TRRAP: variants seen among roughly 807,000 people sequenced by gnomAD.
TRRAP encodes transformation/transcription domain-associated protein.
In TRRAP, 41 loss-of-function variants were observed where a neutral mutation model predicts 438.8. The ratio of observed to expected loss-of-function variants is 0.09; its 90% CI spans 0.07 to 0.12. The LOEUF (loss-of-function observed/expected upper bound fraction) is 0.12, where lower values mean the gene tolerates loss of function less well. TRRAP is among the 10% of genes least tolerant of loss of function. The pLI is 1.00. For missense variants in TRRAP, 3,122 were observed against 5,055.1 expected, an observed-to-expected ratio of 0.62 and a Z score of 11.60; for synonymous variants, 1,994 against 1,962.9, an observed-to-expected ratio of 1.02 and a Z score of -0.42.
At chr7:98,910,726 A>T (rs550987891) in intron 16 of TRRAP, 119 bp downstream of exon 16, 33 of 809,110 alleles carry the variant, frequency 4.1e-5, no homozygotes, top group Admixed American at 3.0e-5. Context: ...CAGTATTTGT[A>T]TACCCAGATG....
intron 20 of TRRAP, among the ~76,000 whole-genome samples, chr7:98,920,481 A>G (rs1476723068): frequency 6.6e-6 from 1 of 152,118 alleles, no homozygotes; most frequent in Non-Finnish European, 1.5e-5. Context: ...AAAAAAAAAA[A>G]AAAGAAAAGA....
At chr7:98,997,483 CAAAAA>C (rs61132070) in intron 67 of TRRAP, among the ~76,000 whole-genome samples, 3 of 42,620 alleles carry the variant, frequency 7.0e-5, no homozygotes, top group South Asian at 1.1e-3. Context: ...ACTGCTGTTG[CAAAAA>C]AAAAAAAAAA....
At chr7:98,884,255 T>TG (rs782737733) in intron 3 of TRRAP, among the ~76,000 whole-genome samples, 1 of 152,066 alleles carries the variant, frequency 6.6e-6, no homozygotes, top group Non-Finnish European at 1.5e-5. Context: ...TTTTTTTGTT[T>TG]GTTTGTTTTT....
At chr7:98,996,366 G>A (rs1213427592) in intron 67 of TRRAP, among the ~76,000 whole-genome samples, 1 of 152,196 alleles carries the variant, frequency 6.6e-6, no homozygotes, top group African/African-American at 2.4e-5. Context: ...AGCGCGTGGC[G>A]GGCTCTCTTG....
At chr7:99,001,384 A>T (rs989164746) in intron 67 of TRRAP, among the ~76,000 whole-genome samples, 1 of 152,238 alleles carries the variant, frequency 6.6e-6, no homozygotes, top group Non-Finnish European at 1.5e-5. Flanking sequence ...CCCTTCTGAG[A>T]ACGGAAGAGT....
At chr7:99,009,059 G>A (rs972001864) in intron 70 of TRRAP, among the ~76,000 whole-genome samples, 2 of 152,136 alleles carry the variant, frequency 1.3e-5, no homozygotes, top group African/African-American at 4.8e-5. Context: ...CAGCTGTTTC[G>A]GTTGCCTGAG....
At position 98,956,769 on chromosome 7, in the gene TRRAP, G is replaced by A. The variant is rs116368425; in HGVS notation, c.6231+236G>A. 6.1e-3 allele frequency among the ~76,000 whole-genome samples: 933 copies of A among 152,240 alleles called. 8 individuals carry two copies. The highest frequency in any genetic ancestry group is 0.021 in the African/African-American group (888 of 41,518). On this transcript the variant is annotated intron_variant, in intron 43 of 72. Coordinates refer to ENST00000456197, the MANE Select transcript of TRRAP (RefSeq NM_001375524.1). The surrounding 1 kb of genome is among the most constrained non-coding windows in gnomAD (Gnocchi z 4.5). Reference sequence around the variant, plus strand: ...ATACCATTAAAGTTCTGTTGATGATGGTTGATTACTTGCAGAAAGGCATCT... The same window carrying A: ...ATACCATTAAAGTTCTGTTGATGATAGTTGATTACTTGCAGAAAGGCATCT...
rs1413029099 is a variant in TRRAP at position 98,931,483 on chromosome 7, G to A, written c.3670G>A (p.Glu1224Lys). 3.1e-6 allele frequency: 5 copies of A among 1,614,070 alleles called. No individual in the cohort carries two copies. Among genetic ancestry groups the A allele is most frequent in the East Asian group, 4.5e-5 (2 of 44,884 alleles). ...LMRCATPLKD[E>K]ERAEEIVAAQ... ...GCGGTGCGCAACGCCTTTAAAAGAC[G>A]AGGAGAGAGCCGAAGAGATCGTGGC... is the stretch of plus-strand genomic sequence containing the variant. Residue 1224 changes from glutamate (E) to lysine (K), a missense_variant, in exon 26 of 73, where the codon GAG becomes AAG. Physicochemically the swap from Glu to Lys is moderately conservative, Grantham distance 56. Around this residue, in one of 24 missense-constraint regions of TRRAP, gnomAD observed 153 missense variants for 223.0 expected, o/e 0.69. Transcript: ENST00000456197.
intron 9 of TRRAP, 29 bp from the exon 10 acceptor site, chr7:98,899,650 G>A (rs1796382902): frequency 1.9e-6 from 3 of 1,613,410 alleles, no homozygotes; most frequent in Admixed American, 1.7e-5. Context: ...GAGTGTCAAT[G>A]TATGAAAATC....
intron 11 of TRRAP, 140 bp from the exon 12 acceptor site, chr7:98,903,239 C>T: frequency 9.9e-7 from 1 of 1,006,404 alleles, no homozygotes; most frequent in Non-Finnish European, 1.5e-6. Context: ...CCAGGCTAGT[C>T]TTGATCTCCT....
chr7:98,920,944 A>AT (rs1789762315), intron 20 of TRRAP, among the ~76,000 whole-genome samples: 1 of 152,050 alleles, frequency 6.6e-6, no homozygotes, highest in African/African-American at 2.4e-5. Context: ...GGTTCAAGTG[A>AT]TTCTTCTGCC....
chr7:98,945,855 A>G (rs1474942507), intron 32 of TRRAP, 55 bp downstream of exon 32: 17 of 1,572,656 alleles, frequency 1.1e-5, no homozygotes, highest in Non-Finnish European at 1.4e-5. Context: ...AGAAAAGTTT[A>G]CCTTTTCTTT....
At chr7:98,966,732 C>T (rs1290923883) in intron 49 of TRRAP, among the ~76,000 whole-genome samples, 3 of 151,362 alleles carry the variant, frequency 2.0e-5, no homozygotes, top group African/African-American at 4.9e-5. Flanking sequence ...CTTTTTATGG[C>T]GATAAAGATA....
At chr7:98,901,756 C>G (rs1796480188) in intron 11 of TRRAP, among the ~76,000 whole-genome samples, 1 of 152,090 alleles carries the variant, frequency 6.6e-6, no homozygotes, top group African/African-American at 2.4e-5. Context: ...GCCATGTTGC[C>G]CAGGCTGGTC....
intron 62 of TRRAP, among the ~76,000 whole-genome samples, chr7:98,986,481 A>G (rs1270160537): frequency 6.6e-6 from 1 of 152,206 alleles, no homozygotes; most frequent in Non-Finnish European, 1.5e-5. Context: ...TAGCCATCCT[A>G]ATGAGTATAA....
chr7:98,947,930 T>C (rs1469701610), intron 33 of TRRAP, among the ~76,000 whole-genome samples: 1 of 152,186 alleles, frequency 6.6e-6, no homozygotes, highest in Non-Finnish European at 1.5e-5. Flanking sequence ...CCTTTACCAC[T>C]TGTGAGCACG....
At chr7:98,932,322 C>T (rs973391788) in intron 26 of TRRAP, among the ~76,000 whole-genome samples, 4 of 152,100 alleles carry the variant, frequency 2.6e-5, no homozygotes, top group Non-Finnish European at 5.9e-5. Flanking sequence ...ACAGTGTTAG[C>T]TAGGGTGGTC....
At chr7:98,947,373 T>C (rs151137081) in intron 33 of TRRAP, among the ~76,000 whole-genome samples, 8 of 152,356 alleles carry the variant, frequency 5.3e-5, no homozygotes, top group Non-Finnish European at 1.0e-4. Flanking sequence ...TTTATATACA[T>C]TGATATTTAA....
In TRRAP at chr7:98,881,362, C is replaced by G. The variant is rs1476757704; in HGVS notation, c.100+112C>G. ...CCGAGGCGGGTGGATCACCTGATGT[C>G]AGGAGTTTGGGACTAGCCTGGCCAA... On this transcript the variant is annotated intron_variant, in intron 2 of 72. Transcript: ENST00000456197. The G allele has an allele frequency of 4.2e-6, 4 of 962,616 alleles. No homozygotes were observed. In the East Asian group the frequency reaches 1.1e-4, roughly 28 times the overall value. The allele number at this position is 962,616 out of a possible 1,614,324, so 59.6% of individuals were successfully genotyped here. A position where few individuals can be genotyped will look rare whatever the true frequency, so the allele number is the denominator to read the frequency against.
Sources: allele counts gnomAD v4.1 joint callset (sites outside exome capture counted in the v4.1 genomes callset), GRCh38; gene constraint gnomAD v4.1.1; regional missense constraint gnomAD v4.1.1; non-coding constraint Gnocchi (gnomAD v3.1); transcripts MANE v1.5; gene names NCBI Gene and HGNC (gene_info 2026-07-23, HGNC 2026-07-21).